BRAF: variants seen among roughly 807,000 people sequenced by gnomAD.
BRAF encodes the protein B-Raf proto-oncogene, serine/threonine kinase.
Under a neutral mutation model 104.6 loss-of-function variants are expected in BRAF, and 16 were observed. The observed-to-expected ratio is 0.15, with a 90% CI of 0.10 to 0.23. BRAF has a LOEUF of 0.23. Among genes scored for constraint, BRAF ranks in the 10% least tolerant of loss-of-function variants. The probability of loss-of-function intolerance (pLI) is 1.00; values close to 1 mark genes in which losing one functional copy is unlikely to be tolerated. For synonymous variants in BRAF, 310 were observed against 341.6 expected, an observed-to-expected ratio of 0.91 and a Z score of 1.02; for missense variants, 541 against 937.3, an observed-to-expected ratio of 0.58 and a Z score of 5.52.
rs1052114246 is a variant in BRAF, at chr7:140,749,911, C to G, written c.1981-493G>C. ...AGAAAATAATGGTAGAATTTCAGGA[C>G]TGATAAACTCAAATCCCCTTTCAAA... is the stretch of plus-strand genomic sequence containing the variant. On this transcript the variant is annotated intron_variant, in intron 16 of 19. Transcript: ENST00000644969. Among the ~76,000 whole-genome samples the G allele has an allele frequency of 7.2e-5, 11 of 152,158 alleles. 1 individual carries two copies. The highest frequency in any genetic ancestry group is 6.5e-4 in the Admixed American group (10 of 15,270).
intron 1 of BRAF, among the ~76,000 whole-genome samples, chr7:140,917,702 A>T (rs180690297): frequency 1.3e-5 from 2 of 152,328 alleles, no homozygotes; most frequent in African/African-American, 4.8e-5. Flanking sequence ...TAACATATAT[A>T]GTCTCCCTTA....
At chr7:140,860,500 T>C (rs1810305520) in intron 1 of BRAF, among the ~76,000 whole-genome samples, 2 of 148,086 alleles carry the variant, frequency 1.4e-5, no homozygotes, top group African/African-American at 2.5e-5. Flanking sequence ...AGAAAATTAG[T>C]TGGATGCGGT....
intron 1 of BRAF, among the ~76,000 whole-genome samples, chr7:140,851,599 T>C (rs539466946): frequency 6.6e-6 from 1 of 152,182 alleles, no homozygotes; most frequent in African/African-American, 2.4e-5. Flanking sequence ...TATCTAGGTA[T>C]AGGATTCCAG....
At chr7:140,775,481 G>A (rs1421959382) in intron 14 of BRAF, among the ~76,000 whole-genome samples, 2 of 151,926 alleles carry the variant, frequency 1.3e-5, no homozygotes, top group African/African-American at 4.8e-5. Context: ...CCAAGTAGCT[G>A]GGATTACAGG....
At chr7:140,762,601 C>G (rs181290928) in intron 14 of BRAF, among the ~76,000 whole-genome samples, 1 of 122,274 alleles carries the variant, frequency 8.2e-6, no homozygotes, top group Admixed American at 7.9e-5. Context: ...AATCCAGGAG[C>G]TGTTTTTTTT....
Position 140,720,153 on chromosome 7 carries a change from T to TC in BRAF, c.*6340dup, listed in dbSNP as rs1216055760. ...TTCAATCCCCTGATCAGTTGTATGA[T>TC]CCTATCTTAGGAAAGGCAGCAATTG... On this transcript the variant is annotated 3_prime_UTR_variant, in exon 20 of 20. Coordinates refer to ENST00000644969, the MANE Select transcript of BRAF (RefSeq NM_001374258.1). 1.9e-6 allele frequency: 2 copies of TC among 1,061,780 alleles called. No homozygotes were observed. Among genetic ancestry groups the TC allele is most frequent in the African/African-American group, 3.3e-5 (2 of 60,868 alleles). 65.8% of individuals were successfully genotyped at this position (1,061,780 alleles called of 1,614,324 possible).
chr7:140,807,845 G>T, intron 5 of BRAF, 115 bp downstream of exon 5: 1 of 741,012 alleles, frequency 1.3e-6, no homozygotes, highest in Non-Finnish European at 2.3e-6. Flanking sequence ...TTTCAACTCA[G>T]GTAAAATGTC....
intron 2 of BRAF, among the ~76,000 whole-genome samples, chr7:140,839,564 T>TA (rs992729651): frequency 2.0e-5 from 3 of 151,118 alleles, no homozygotes; most frequent in Admixed American, 6.6e-5. Context: ...ACCCCATCTC[T>TA]AAAAAAAATA....
chr7:140,815,577 G>C (rs1389766355), intron 3 of BRAF, among the ~76,000 whole-genome samples: 1 of 151,660 alleles, frequency 6.6e-6, no homozygotes, highest in Non-Finnish European at 1.5e-5. Context: ...GGGATTACAG[G>C]CATGTGCCAG....
In BRAF at chr7:140,749,353, A is replaced by T. The variant is rs2128994453; in HGVS notation, c.2046T>A (p.Phe682Leu). 6.2e-7 allele frequency: 1 copy of T among 1,613,082 alleles called. No homozygotes were observed. The highest frequency in any genetic ancestry group is 8.5e-7 in the Non-Finnish European group (1 of 1,179,534). ...PYSFQSDVYA[F>L]GIVLYELMTG... ...TCATCAATTCATACAGAACAATTCC[A>T]AATGCATATACATCTGACTGAAAGC... Residue 682 changes from phenylalanine (F) to leucine (L), a missense_variant, in exon 17 of 20, where the codon TTT becomes TTA. Phe to Leu is a conservative substitution (Grantham distance 22). Coordinates refer to ENST00000644969, the MANE Select transcript of BRAF (RefSeq NM_001374258.1).
chr7:140,727,248 A>G (rs1447418920), intron 19 of BRAF, among the ~76,000 whole-genome samples: 1 of 150,906 alleles, frequency 6.6e-6, no homozygotes, highest in Non-Finnish European at 1.5e-5. Flanking sequence ...CAATGGTGCA[A>G]TCTCGGTTCA....
chr7:140,912,720 G>GT, intron 1 of BRAF, among the ~76,000 whole-genome samples: 1 of 151,960 alleles, frequency 6.6e-6, no homozygotes, highest in East Asian at 1.9e-4. Flanking sequence ...CCTAATTTTT[G>GT]TATTTTTAGT....
At position 140,827,315 on chromosome 7, in the gene BRAF, C is replaced by T. The variant is rs372602588; in HGVS notation, c.504+7294G>A. On this transcript the variant is annotated intron_variant, in intron 3 of 19. Transcript: ENST00000644969. ...TTCTGTGAATTCTATGAGACCTAGA[C>T]GGGCTGAGGGAGGGTTTCCATTGCT... Among the ~76,000 whole-genome samples, 21 of 152,220 alleles carry T rather than the reference C, an allele frequency of 1.4e-4. No homozygotes were observed. The East Asian group carries it at 3.5e-3, about 25-fold the overall frequency.
chr7:140,860,333 G>A (rs75277147), intron 1 of BRAF, among the ~76,000 whole-genome samples: 24 of 151,834 alleles, frequency 1.6e-4, no homozygotes, highest in African/African-American at 5.1e-4. Context: ...TAGGGAATTC[G>A]AATATCTAAT....
intron 10 of BRAF, 61 bp from the exon 10 acceptor site, chr7:140,783,218 G>T: frequency 3.1e-6 from 5 of 1,588,296 alleles, no homozygotes; most frequent in Non-Finnish European, 4.3e-6. Context: ...AATTTATCAG[G>T]GGTAGAAGGT....
In BRAF at chr7:140,924,757, GGGAGGCGGAGAGCTGGGGGAGGCGGAGGC is replaced by G; in HGVS notation, c.-83_-55del. 1 of 677,464 alleles carries G rather than the reference GGGAGGCGGAGAGCTGGGGGAGGCGGAGGC, an allele frequency of 1.5e-6. No homozygotes were observed. The allele number at this position is 677,464 out of a possible 1,614,324, so 42.0% of individuals were successfully genotyped here. ...GCCGCTGTCGGGCGGGGAGGGGGAA[GGGAGGCGGAGAGCTGGGGGAGGCGGAGGC>G]GGAGGCGGAGGCGGAGGAGCGGGGG... On this transcript the variant is annotated 5_prime_UTR_variant, in exon 1 of 20. Coordinates refer to ENST00000644969, the MANE Select transcript of BRAF (RefSeq NM_001374258.1). This position sits in a 1 kb window ranked among gnomAD's most constrained non-coding sequence, Gnocchi z 4.2.
intron 3 of BRAF, among the ~76,000 whole-genome samples, chr7:140,810,325 T>C (rs1025367045): frequency 1.3e-5 from 2 of 152,100 alleles, no homozygotes; most frequent in East Asian, 1.9e-4. Context: ...TCCCAACACT[T>C]TGGGAGGCCA....
At chr7:140,792,833 T>C (rs958602313) in intron 8 of BRAF, among the ~76,000 whole-genome samples, 1 of 152,180 alleles carries the variant, frequency 6.6e-6, no homozygotes, top group African/African-American at 2.4e-5. Flanking sequence ...TGCTTGAACA[T>C]GAATAAAAAT....
At chr7:140,818,322 T>G (rs1805102062) in intron 3 of BRAF, among the ~76,000 whole-genome samples, 1 of 151,770 alleles carries the variant, frequency 6.6e-6, no homozygotes, top group African/African-American at 2.4e-5. Flanking sequence ...TAATTTTTTT[T>G]TTTTTTTTGA....
Sources: allele counts gnomAD v4.1 joint callset (sites outside exome capture counted in the v4.1 genomes callset), GRCh38; gene constraint gnomAD v4.1.1; non-coding constraint Gnocchi (gnomAD v3.1); transcripts MANE v1.5; gene names NCBI Gene and HGNC (gene_info 2026-07-23, HGNC 2026-07-21).